Variants in MED26 observed in about 807,000 individuals in gnomAD.
MED26 encodes mediator complex subunit 26, also known as mediator of RNA polymerase II transcription subunit 26.
A neutral mutation model predicts 43.7 loss-of-function variants in MED26; 7 were observed. The observed-to-expected ratio is 0.16, with a 90% CI of 0.09 to 0.30. The LOEUF is 0.30. MED26 is among the 10% of genes least tolerant of loss of function. The probability of loss-of-function intolerance (pLI) is 1.00; values close to 1 mark genes in which losing one functional copy is unlikely to be tolerated. For synonymous variants in MED26, 375 were observed against 371.1 expected, an observed-to-expected ratio of 1.01 and a Z score of -0.12; for missense variants, 784 against 840.6, an observed-to-expected ratio of 0.93 and a Z score of 0.83.
chr19:16,583,112 G>A (rs777214256), intron 1 of MED26, among the ~76,000 whole-genome samples: 2 of 152,246 alleles, frequency 1.3e-5, no homozygotes, highest in Non-Finnish European at 2.9e-5. Flanking sequence ...CTCAAAAGAT[G>A]GCTTTAAGGC....
intron 1 of MED26, among the ~76,000 whole-genome samples, chr19:16,621,561 A>G (rs1415961747): frequency 6.6e-6 from 1 of 152,128 alleles, no homozygotes; most frequent in East Asian, 1.9e-4. Flanking sequence ...TTGCCTGGCA[A>G]TCCTTGGGAT....
chr19:16,616,678 G>C (rs777396027), intron 1 of MED26, among the ~76,000 whole-genome samples: 1 of 152,228 alleles, frequency 6.6e-6, no homozygotes, highest in Non-Finnish European at 1.5e-5. Flanking sequence ...ACAGGAGAGA[G>C]CAAGTGTCCA....
Position 16,575,998 on chromosome 19 carries a change from G to A in MED26, c.*29C>T. 1 of 1,584,256 alleles carries A rather than the reference G, an allele frequency of 6.3e-7. No individual in the cohort carries two copies. The highest frequency in any genetic ancestry group is 8.6e-7 in the Non-Finnish European group (1 of 1,159,446). The stretch of plus-strand genomic sequence containing the variant: ...CCCGCCCACCCGGCTTCTGCAAGAT[G>A]GGAATGCACTTTGTGGCTGACAGGC... On this transcript the variant is annotated 3_prime_UTR_variant, in exon 3 of 3. Transcript: ENST00000263390.
Position 16,577,090 on chromosome 19 carries a change from G to A in MED26, c.740C>T (p.Ala247Val), listed in dbSNP as rs1363025917. 2 of 1,609,834 alleles carry A rather than the reference G, an allele frequency of 1.2e-6. No homozygotes were observed. Among genetic ancestry groups the A allele is most frequent in the Non-Finnish European group, 1.7e-6 (2 of 1,177,218 alleles). ...KPPGPCLQPK[A>V]SVLQQLDRVD... ...CCTGTCCAGCTGCTGCAGCACCGAA[G>A]CCTTTGGCTGCAAGCAGGGTCCAGG... is the stretch of plus-strand genomic sequence containing the variant. The change falls in exon 3 of 3, where the codon GCT becomes GTT. Residue 247 changes from alanine (A) to valine (V), a missense_variant. Coordinates refer to ENST00000263390, the MANE Select transcript of MED26 (RefSeq NM_004831.5). The surrounding 1 kb of genome is among the most constrained non-coding windows in gnomAD (Gnocchi z 8.1).
intron 1 of MED26, among the ~76,000 whole-genome samples, chr19:16,582,526 T>G (rs1166818262): frequency 6.6e-6 from 1 of 152,174 alleles, no homozygotes; most frequent in Non-Finnish European, 1.5e-5. Context: ...GGACCCTGCC[T>G]TAACAACCAA....
In MED26 at chr19:16,577,699, A is replaced by G; in HGVS notation, c.148-17T>C. Reference sequence around the variant, plus strand: ...TCGTGTTTCCTACAACCAGAGGGAGATGATGACATACTTTCGGGACAGGAA... The same window carrying G: ...TCGTGTTTCCTACAACCAGAGGGAGGTGATGACATACTTTCGGGACAGGAA... On this transcript the variant is annotated splice_polypyrimidine_tract_variant and intron_variant, in intron 2 of 2. Transcript: ENST00000263390. This position sits in a 1 kb window ranked among gnomAD's most constrained non-coding sequence, Gnocchi z 8.1. 1.3e-6 allele frequency: 2 copies of G among 1,542,428 alleles called. No homozygotes were observed. Among genetic ancestry groups the G allele is most frequent in the Non-Finnish European group, 1.8e-6 (2 of 1,139,166 alleles).
intron 2 of MED26, 156 bp downstream of exon 2, chr19:16,578,179 G>T: frequency 1.4e-6 from 1 of 731,996 alleles, no homozygotes; most frequent in Non-Finnish European, 2.4e-6. Context: ...CCGTGGGAGA[G>T]CAAGATCGCG....
At chr19:16,590,858 C>T (rs997322903) in intron 1 of MED26, among the ~76,000 whole-genome samples, 10 of 151,512 alleles carry the variant, frequency 6.6e-5, no homozygotes, top group Admixed American at 6.6e-5. Context: ...GGCAACATGG[C>T]GAAACCCTGT....
chr19:16,584,855 T>C (rs1247665729), intron 1 of MED26, among the ~76,000 whole-genome samples: 1 of 152,202 alleles, frequency 6.6e-6, no homozygotes, highest in Non-Finnish European at 1.5e-5. Context: ...AGAAAATACA[T>C]CTATTTCCTA....
chr19:16,619,120 T>C (rs547660635), intron 1 of MED26, among the ~76,000 whole-genome samples: 4 of 152,348 alleles, frequency 2.6e-5, no homozygotes, highest in Admixed American at 6.5e-5. Flanking sequence ...TAAAGACAAG[T>C]GCTGTGCAGG....
intron 1 of MED26, among the ~76,000 whole-genome samples, chr19:16,603,873 G>C (rs2086160991): frequency 6.6e-6 from 1 of 152,162 alleles, no homozygotes; most frequent in South Asian, 2.1e-4. Flanking sequence ...TCTGGGCAGA[G>C]CCATGGAAGA....
At chr19:16,591,676 G>C (rs531510247) in intron 1 of MED26, among the ~76,000 whole-genome samples, 1 of 152,172 alleles carries the variant, frequency 6.6e-6, no homozygotes, top group African/African-American at 2.4e-5. Flanking sequence ...AAAGGCCAGC[G>C]GCTGCAGACA....
At chr19:16,594,043 C>T (rs1230196064) in intron 1 of MED26, among the ~76,000 whole-genome samples, 2 of 152,194 alleles carry the variant, frequency 1.3e-5, no homozygotes, top group Non-Finnish European at 2.9e-5. Flanking sequence ...AGAAGGGAAG[C>T]CACATGAGAT....
In MED26 at chr19:16,627,444, T is replaced by C. The variant is rs34295140; in HGVS notation, c.72+428A>G. On this transcript the variant is annotated intron_variant, in intron 1 of 2. Transcript: ENST00000263390. ...CCAGGAGGCCAAGACATGGGAGACA[T>C]AGGTTCCCCGAGTCATACCCCGGAC... 5.1e-3 allele frequency among the ~76,000 whole-genome samples: 781 copies of C among 152,212 alleles called. 2 individuals carry two copies. The highest frequency in any genetic ancestry group is 8.7e-3 in the Non-Finnish European group (592 of 68,008).
chr19:16,605,610 C>T (rs773385673), intron 1 of MED26, among the ~76,000 whole-genome samples: 3 of 152,228 alleles, frequency 2.0e-5, no homozygotes, highest in East Asian at 1.9e-4. Context: ...AGGCACAGGG[C>T]GCCCTGCCAG....
intron 1 of MED26, among the ~76,000 whole-genome samples, chr19:16,585,232 G>A (rs758169356): frequency 2.0e-5 from 3 of 152,110 alleles, no homozygotes; most frequent in Non-Finnish European, 4.4e-5. Context: ...TGTCCATCCC[G>A]GTCCGACTCT....
chr19:16,585,318 C>T (rs979995711), intron 1 of MED26, among the ~76,000 whole-genome samples: 8 of 152,132 alleles, frequency 5.3e-5, no homozygotes, highest in African/African-American at 1.9e-4. Context: ...GTCGACAGTT[C>T]CTTCCTGCAG....
chr19:16,611,867 T>C (rs2086200961), intron 1 of MED26: 1 of 151,938 alleles, frequency 6.6e-6, no homozygotes, highest in Non-Finnish European at 1.5e-5. Context: ...GTTATGTTGG[T>C]CAGTCTGGTC....
chr19:16,615,057 C>T (rs972585699), intron 1 of MED26, among the ~76,000 whole-genome samples: 1 of 151,916 alleles, frequency 6.6e-6, no homozygotes, highest in Non-Finnish European at 1.5e-5. Context: ...AAGAAAACAA[C>T]CAACCAGTCT....
Sources: gnomAD v4.1 joint callset for allele counts (sites outside exome capture counted in the v4.1 genomes callset) on GRCh38, gnomAD v4.1.1 for gene constraint, Gnocchi (gnomAD v3.1) non-coding constraint, MANE v1.5 for transcripts, NCBI Gene and HGNC (gene_info 2026-07-23, HGNC 2026-07-21) for gene names.